Variants in TRPM3 observed in about 807,000 individuals in gnomAD.
The protein encoded by TRPM3 is transient receptor potential cation channel subfamily M member 3.
TRPM3 carries 77 observed loss-of-function variants against 181.2 expected under a neutral mutation model. The observed-to-expected ratio is 0.42, with a 90% CI of 0.35 to 0.51. TRPM3 has a LOEUF of 0.51. Among genes scored for constraint, TRPM3 ranks in the 20% least tolerant of loss-of-function variants. TRPM3 has a pLI of 0.01. For missense variants in TRPM3, 1,759 were observed against 2,196.7 expected (o/e 0.80, Z 3.98); for synonymous variants, 745 against 796.4 (o/e 0.94, Z 1.09).
chr9:71,443,050 A>G (rs768714988), intron 1 of TRPM3, among the ~76,000 whole-genome samples: 15 of 152,240 alleles, frequency 9.9e-5, no homozygotes, highest in Non-Finnish European at 5.9e-5. Flanking sequence ...TATAACTTTC[A>G]TAATAATAAA....
chr9:70,888,163 T>C (rs904854276), intron 1 of TRPM3, among the ~76,000 whole-genome samples: 2 of 152,174 alleles, frequency 1.3e-5, no homozygotes, highest in Non-Finnish European at 2.9e-5. Flanking sequence ...GATTTGGCTA[T>C]CCCCAAGTCA....
chr9:71,030,606 G>A (rs1416833714), intron 1 of TRPM3, among the ~76,000 whole-genome samples: 3 of 151,502 alleles, frequency 2.0e-5, no homozygotes, highest in Non-Finnish European at 4.4e-5. Context: ...TAACACCCAG[G>A]TATCCTTTGA....
intron 1 of TRPM3, among the ~76,000 whole-genome samples, chr9:71,215,681 TTGAA>T (rs1255897305): frequency 1.3e-5 from 2 of 152,210 alleles, no homozygotes; most frequent in Admixed American, 6.5e-5. Context: ...TAAAATAAAA[TTGAA>T]TGAAATCTCC....
chr9:70,574,607 C>T (rs1442663788), intron 22 of TRPM3, among the ~76,000 whole-genome samples: 2 of 152,190 alleles, frequency 1.3e-5, no homozygotes, highest in Non-Finnish European at 2.9e-5. Flanking sequence ...TCTGATGCCT[C>T]TACTGGGCTG....
intron 1 of TRPM3, among the ~76,000 whole-genome samples, chr9:71,310,421 T>A (rs916319147): frequency 3.9e-5 from 6 of 152,106 alleles, no homozygotes; most frequent in African/African-American, 1.4e-4. Flanking sequence ...GGTAAATTTT[T>A]AAGAAGAGAT....
chr9:70,879,522 C>T (rs11142635), intron 1 of TRPM3, among the ~76,000 whole-genome samples: 69,579 of 151,756 alleles, frequency 0.46, 16,489 homozygotes, highest in African/African-American at 0.57. Flanking sequence ...TGACTAATAG[C>T]GTGCAGTTAT....
intron 1 of TRPM3, among the ~76,000 whole-genome samples, chr9:71,241,592 C>T (rs1044731503): frequency 6.6e-6 from 1 of 151,862 alleles, no homozygotes; most frequent in East Asian, 1.9e-4. Context: ...CACATGTATA[C>T]GTATGTAACT....
In TRPM3 at chr9:70,621,453, C is replaced by T. The variant is rs140761546; in HGVS notation, c.1810-180G>A. Among the ~76,000 whole-genome samples, 30 of 152,188 alleles carry T rather than the reference C, an allele frequency of 2.0e-4. No individual in the cohort carries two copies. In the East Asian group the frequency reaches 5.8e-3, roughly 29 times the overall value. ...GATCATGGTTCACTGCAGCCTCAACCTCCCGGGCTCAAGTGATTCTCCTAC... is the reference window on the plus strand; with the variant it reads ...GATCATGGTTCACTGCAGCCTCAACTTCCCGGGCTCAAGTGATTCTCCTAC... On this transcript the variant is annotated intron_variant, in intron 14 of 25. Transcript: ENST00000677713.
At chr9:71,284,212 A>G (rs1175765101) in intron 1 of TRPM3, among the ~76,000 whole-genome samples, 2 of 152,246 alleles carry the variant, frequency 1.3e-5, no homozygotes, top group Non-Finnish European at 2.9e-5. Context: ...CAAACCTAAA[A>G]GCTAGCTACT....
chr9:70,605,030 T>C (rs1190256051), intron 19 of TRPM3, among the ~76,000 whole-genome samples: 7 of 148,802 alleles, frequency 4.7e-5, no homozygotes, highest in Non-Finnish European at 7.4e-5. Flanking sequence ...GATCTCGGCT[T>C]TCTGCAAACC....
Position 70,775,347 on chromosome 9 carries a change from T to C in TRPM3, c.1148+8758A>G, listed in dbSNP as rs576023068. 3 of 152,354 alleles carry C rather than the reference T, an allele frequency of 2.0e-5. No homozygotes were observed. The East Asian group carries it at 5.8e-4, about 29-fold the overall frequency. 9.4% of individuals were successfully genotyped at this position (152,354 alleles called of 1,614,324 possible). ...TTAAATGGGTAAAGAAATGCATTTGTGCATCTCATGGTAAGGCAGAGAAGC... is the reference window on the plus strand; with the variant it reads ...TTAAATGGGTAAAGAAATGCATTTGCGCATCTCATGGTAAGGCAGAGAAGC... On this transcript the variant is annotated intron_variant, in intron 7 of 25. Transcript: ENST00000677713.
chr9:70,995,975 T>C (rs2097538111), intron 1 of TRPM3, among the ~76,000 whole-genome samples: 1 of 152,150 alleles, frequency 6.6e-6, no homozygotes, highest in African/African-American at 2.4e-5. Flanking sequence ...TATACTGTAA[T>C]GTGGAATGCA....
At chr9:71,171,896 G>GTT (rs1431681828) in intron 1 of TRPM3, among the ~76,000 whole-genome samples, 2 of 117,546 alleles carry the variant, frequency 1.7e-5, no homozygotes, top group Non-Finnish European at 3.7e-5. Flanking sequence ...GGGTGTTAGG[G>GTT]TTTTTGTTGT....
chr9:71,420,690 GGAAAGA>G (rs2093720483), intron 1 of TRPM3, among the ~76,000 whole-genome samples: 1 of 6,788 alleles, frequency 1.5e-4, no homozygotes, highest in African/African-American at 5.6e-4. Flanking sequence ...AAAGAGAAAG[GGAAAGA>G]GAAAGAGAGA....
At chr9:70,639,460 C>A (rs977723379) in intron 10 of TRPM3, among the ~76,000 whole-genome samples, 1 of 152,156 alleles carries the variant, frequency 6.6e-6, no homozygotes, top group Non-Finnish European at 1.5e-5. Flanking sequence ...TGTTCTGGAT[C>A]CCAAGAAGGT....
chr9:71,168,533 GTGATTTATTTATTTATTTATTTATTTAT>G (rs2076652409), intron 1 of TRPM3, among the ~76,000 whole-genome samples: 2 of 82,100 alleles, frequency 2.4e-5, no homozygotes, highest in African/African-American at 5.4e-5. Context: ...TTTTTAAGGT[GTGATTTATTTATTTATTTATTTATTTAT>G]TTATTTATTT....
rs528404224 is a variant in TRPM3 at position 71,306,079 on chromosome 9, T to C, written c.183+140574A>G. On this transcript the variant is annotated intron_variant, in intron 1 of 24. Transcript: ENST00000357533. ...TAATAAAAAGGAAATTTGACTGTCA[T>C]GCATATACACCTTGTTTTACATGCA... Among the ~76,000 whole-genome samples, 4 of 152,298 alleles carry C rather than the reference T, an allele frequency of 2.6e-5. No homozygotes were observed. The East Asian group carries it at 5.8e-4, about 22-fold the overall frequency.
At chr9:71,335,398 T>G (rs1205970425) in intron 1 of TRPM3, among the ~76,000 whole-genome samples, 1 of 152,122 alleles carries the variant, frequency 6.6e-6, no homozygotes, top group Non-Finnish European at 1.5e-5. Context: ...ATAAAGAGAA[T>G]AGCCATCTTT....
At position 70,533,058 on chromosome 9, in the gene TRPM3, G is replaced by A. The variant is rs1474632739; in HGVS notation, c.*2895C>T. On this transcript the variant is annotated 3_prime_UTR_variant, in exon 26 of 26. Coordinates refer to ENST00000677713, the MANE Select transcript of TRPM3 (RefSeq NM_001366145.2). ...TATATATTTCACACGTTTCACAGAC[G>A]TTAGAACTTAATTTTCATGCACAAC... is the stretch of plus-strand genomic sequence containing the variant. 6.6e-6 allele frequency: 1 copy of A among 152,206 alleles called. No individual in the cohort carries two copies. Among genetic ancestry groups the A allele is most frequent in the Admixed American group, 6.5e-5 (1 of 15,276 alleles). 9.4% of individuals were successfully genotyped at this position (152,206 alleles called of 1,614,324 possible).
Sources: allele counts gnomAD v4.1 joint callset (sites outside exome capture counted in the v4.1 genomes callset), GRCh38; gene constraint gnomAD v4.1.1; transcripts MANE v1.5; gene names NCBI Gene and HGNC (gene_info 2026-07-23, HGNC 2026-07-21).